NALCN: variants seen among roughly 807,000 people sequenced by gnomAD.
NALCN encodes the protein sodium leak channel, non-selective, also known as sodium leak channel NALCN.
In NALCN, 111 loss-of-function variants were observed where a neutral mutation model predicts 225.3. The observed-to-expected ratio is 0.49, with a 90% CI of 0.42 to 0.58. The LOEUF is 0.58. NALCN is among the 20% of genes least tolerant of loss of function. The pLI, the probability that NALCN is intolerant of heterozygous loss-of-function variation, is 0.00. For missense variants in NALCN, 1,378 were observed against 2,202.4 expected (o/e 0.63, Z 7.49); for synonymous variants, 764 against 769.0 (o/e 0.99, Z 0.11).
At chr13:101,351,837 C>CA in intron 6 of NALCN, among the ~76,000 whole-genome samples, 1 of 152,300 alleles carries the variant, frequency 6.6e-6, no homozygotes, top group South Asian at 2.1e-4. Context: ...TCACCAACGA[C>CA]AAAGGCAATA....
intron 13 of NALCN, among the ~76,000 whole-genome samples, chr13:101,205,507 G>A (rs993840015): frequency 6.6e-6 from 1 of 152,042 alleles, no homozygotes; most frequent in Non-Finnish European, 1.5e-5. Context: ...TGCAGAGCAT[G>A]GTATTTTTAG....
At position 101,084,228 on chromosome 13, in the gene NALCN, G is replaced by A. The variant is rs534929657; in HGVS notation, c.3490-424C>T. Among the ~76,000 whole-genome samples the A allele has an allele frequency of 8.5e-5, 13 of 152,206 alleles. No homozygotes were observed. The South Asian group carries it at 1.9e-3, about 22-fold the overall frequency. ...TCTTTCTTTAAAAAATGTCTAATAT[G>A]TGCAATTGCAAAACTGTTTTTGAGA... is the stretch of plus-strand genomic sequence containing the variant. On this transcript the variant is annotated intron_variant, in intron 30 of 43. Coordinates refer to ENST00000251127, the MANE Select transcript of NALCN (RefSeq NM_052867.4).
At chr13:101,213,771 G>T (rs141925637) in intron 13 of NALCN, among the ~76,000 whole-genome samples, 1 of 152,108 alleles carries the variant, frequency 6.6e-6, no homozygotes, top group African/African-American at 2.4e-5. Flanking sequence ...TTAGAATGGC[G>T]ATCATTAAAA....
intron 6 of NALCN, chr13:101,368,535 T>G (rs948183321): frequency 6.6e-6 from 1 of 152,190 alleles, no homozygotes; most frequent in East Asian, 1.9e-4. Context: ...CAGAAAAGTT[T>G]AAAAATTTTC....
chr13:101,254,433 T>C (rs371161397), intron 11 of NALCN, among the ~76,000 whole-genome samples: 2 of 136,238 alleles, frequency 1.5e-5, no homozygotes, highest in African/African-American at 5.6e-5. Context: ...AAACCTAGAG[T>C]GGAACAAATT....
intron 1 of NALCN, among the ~76,000 whole-genome samples, chr13:101,399,959 T>A (rs1230282364): frequency 1.3e-5 from 2 of 152,116 alleles, no homozygotes; most frequent in Non-Finnish European, 2.9e-5. Flanking sequence ...ATAAGTGCAA[T>A]ACAATGTGAG....
chr13:101,160,799 C>T (rs1002230239), intron 15 of NALCN, among the ~76,000 whole-genome samples: 6 of 152,224 alleles, frequency 3.9e-5, no homozygotes, highest in Admixed American at 6.5e-5. Context: ...GCCAGCATTG[C>T]GAGGCAATCA....
chr13:101,141,120 T>C (rs1389596823), intron 17 of NALCN, among the ~76,000 whole-genome samples: 2 of 151,784 alleles, frequency 1.3e-5, no homozygotes, highest in Non-Finnish European at 2.9e-5. Flanking sequence ...AGAACAAAAA[T>C]AGAGAGATGG....
At chr13:101,116,988 C>T (rs771478582) in intron 18 of NALCN, 19 of 514,720 alleles carry the variant, frequency 3.7e-5, no homozygotes, top group Middle Eastern at 3.2e-4. Context: ...TGGGTGAGCT[C>T]GTCGGTAATG....
intron 10 of NALCN, among the ~76,000 whole-genome samples, chr13:101,272,022 G>C (rs1273706650): frequency 6.6e-6 from 1 of 151,956 alleles, no homozygotes; most frequent in African/African-American, 2.4e-5. Flanking sequence ...GTCACTGTGT[G>C]TGTATGTACA....
At chr13:101,414,111 T>C (rs2047865483) in intron 1 of NALCN, among the ~76,000 whole-genome samples, 1 of 151,788 alleles carries the variant, frequency 6.6e-6, no homozygotes, top group African/African-American at 2.4e-5. Context: ...GTCTGGACTC[T>C]TGGGTTCAAG....
chr13:101,190,372 G>A (rs1398089453), intron 14 of NALCN, among the ~76,000 whole-genome samples: 3 of 152,132 alleles, frequency 2.0e-5, no homozygotes, highest in African/African-American at 4.8e-5. Flanking sequence ...TTAGTTGAAC[G>A]CATAAATGAT....
chr13:101,305,051 G>A (rs1410745360), intron 7 of NALCN, among the ~76,000 whole-genome samples: 3 of 151,748 alleles, frequency 2.0e-5, no homozygotes, highest in Non-Finnish European at 2.9e-5. Context: ...CACCGCACCC[G>A]GCCTGGCCTG....
intron 25 of NALCN, among the ~76,000 whole-genome samples, chr13:101,103,588 G>A (rs551396387): frequency 2.0e-4 from 30 of 152,266 alleles, no homozygotes; most frequent in African/African-American, 5.1e-4. Context: ...GTACACCAGT[G>A]CGTTCTGCCT....
chr13:101,055,579 A>G, intron 43 of NALCN, 91 bp from the exon 44 acceptor site: 1 of 1,153,208 alleles, frequency 8.7e-7, no homozygotes, highest in Non-Finnish European at 1.2e-6. Context: ...CATCAGTGAT[A>G]CTTTTGGCTA....
intron 9 of NALCN, among the ~76,000 whole-genome samples, chr13:101,289,965 G>A (rs1222209793): frequency 2.0e-5 from 3 of 152,288 alleles, no homozygotes; most frequent in East Asian, 3.9e-4. Context: ...TGCCTGAGTG[G>A]TGTTTCACCC....
chr13:101,065,697 C>T, intron 39 of NALCN, 136 bp from the exon 40 acceptor site: 1 of 1,029,192 alleles, frequency 9.7e-7, no homozygotes, highest in Non-Finnish European at 1.4e-6. Flanking sequence ...AGCTGGTCAC[C>T]TCCTTGGAGC....
chr13:101,157,208 A>G (rs938131812), intron 15 of NALCN, among the ~76,000 whole-genome samples: 3 of 152,154 alleles, frequency 2.0e-5, no homozygotes, highest in African/African-American at 7.2e-5. Context: ...AGCTAAATAC[A>G]TGTATGTGTG....
At chr13:101,075,791 GTAAGGCTGTAATCAAT>G in intron 35 of NALCN, 66 bp downstream of exon 35, 1 of 1,178,758 alleles carries the variant, frequency 8.5e-7, no homozygotes, top group Non-Finnish European at 1.2e-6. Context: ...AATAACCGAG[GTAAGGCTGTAATCAAT>G]TAATCACCAT....
Sources: allele counts gnomAD v4.1 joint callset (sites outside exome capture counted in the v4.1 genomes callset), GRCh38; gene constraint gnomAD v4.1.1; transcripts MANE v1.5; gene names NCBI Gene and HGNC (gene_info 2026-07-23, HGNC 2026-07-21).